Variants in METTL24 observed in about 807,000 individuals in gnomAD.
METTL24 encodes the protein probable methyltransferase-like protein 24.
In METTL24, 29 loss-of-function variants were observed where a neutral mutation model predicts 32.7. The ratio of observed to expected loss-of-function variants is 0.89; its 90% confidence interval spans 0.66 to 1.21. METTL24 has a LOEUF of 1.21. METTL24 is among the 50% of genes most tolerant of loss of function. The pLI is 0.00. For missense variants in METTL24, 439 were observed against 468.1 expected (o/e 0.94, Z 0.57); for synonymous variants, 163 against 179.5 (o/e 0.91, Z 0.73).
intron 3 of METTL24, among the ~76,000 whole-genome samples, chr6:110,300,714 C>T (rs1035808369): frequency 1.5e-4 from 23 of 152,158 alleles, no homozygotes; most frequent in South Asian, 2.1e-4. Flanking sequence ...AGCCATGGCA[C>T]CCCACCTAGA....
intron 4 of METTL24, among the ~76,000 whole-genome samples, chr6:110,279,177 G>A (rs140463695): frequency 2.2e-4 from 33 of 152,294 alleles, no homozygotes; most frequent in Admixed American, 2.1e-3. Context: ...TTTCACATGG[G>A]CTAGGCATTA....
chr6:110,290,219 T>A (rs116270836), intron 4 of METTL24, among the ~76,000 whole-genome samples: 2 of 152,104 alleles, frequency 1.3e-5, no homozygotes, highest in Admixed American at 1.3e-4. Context: ...GCCCAGCCAA[T>A]TGACAACTTT....
At chr6:110,326,239 A>T (rs562274650) in intron 1 of METTL24, among the ~76,000 whole-genome samples, 40 of 152,344 alleles carry the variant, frequency 2.6e-4, no homozygotes, top group Non-Finnish European at 4.1e-4. Context: ...GAGGAAGCTG[A>T]ACAGACAGGC....
At chr6:110,247,887 G>T (rs1016348361) in intron 4 of METTL24, among the ~76,000 whole-genome samples, 7 of 152,132 alleles carry the variant, frequency 4.6e-5, no homozygotes, top group Admixed American at 1.3e-4. Flanking sequence ...TTGGATGTTT[G>T]TCCCCTCCAA....
Position 110,244,391 on chromosome 6 carries a change from A to C in METTL24, c.*1555T>G, listed in dbSNP as rs1778108109. Among the ~76,000 whole-genome samples the C allele has an allele frequency of 6.6e-6, 1 of 152,182 alleles. No individual in the cohort carries two copies. The highest frequency in any genetic ancestry group is 2.1e-4 in the South Asian group (1 of 4,830). The stretch of plus-strand genomic sequence containing the variant: ...CTCTTTTTTTTTTCTGTGAACAAAT[A>C]AACTTTATTCAGGTATAAAAAGCAA... On this transcript the variant is annotated 3_prime_UTR_variant, in exon 5 of 5. Coordinates refer to ENST00000338882, the MANE Select transcript of METTL24 (RefSeq NM_001123364.3).
At chr6:110,250,958 C>T (rs1161717381) in intron 4 of METTL24, among the ~76,000 whole-genome samples, 1 of 152,222 alleles carries the variant, frequency 6.6e-6, no homozygotes, top group East Asian at 1.9e-4. Flanking sequence ...TGAGCCTTTT[C>T]CCCTTTAAGA....
intron 4 of METTL24, among the ~76,000 whole-genome samples, chr6:110,287,122 A>G (rs770125802): frequency 7.2e-5 from 11 of 152,214 alleles, no homozygotes; most frequent in Non-Finnish European, 1.3e-4. Context: ...TTGCAGCTCC[A>G]TGTTAGTTAA....
intron 4 of METTL24, among the ~76,000 whole-genome samples, chr6:110,277,688 C>G (rs1771070900): frequency 6.6e-6 from 1 of 152,110 alleles, no homozygotes; most frequent in Non-Finnish European, 1.5e-5. Context: ...TCCCAACAAA[C>G]CTTCTTCTAC....
intron 4 of METTL24, among the ~76,000 whole-genome samples, chr6:110,252,988 G>C (rs1387465149): frequency 2.0e-5 from 3 of 152,158 alleles, no homozygotes; most frequent in South Asian, 4.1e-4. Context: ...CCATCCTCCA[G>C]AATTGTGATG....
intron 1 of METTL24, among the ~76,000 whole-genome samples, chr6:110,335,547 G>T (rs1387226485): frequency 2.5e-5 from 3 of 118,158 alleles, no homozygotes; most frequent in African/African-American, 6.1e-5. Flanking sequence ...TACTTGCTTT[G>T]TACTTGTAGG....
chr6:110,343,374 G>T (rs184129324), intron 1 of METTL24, among the ~76,000 whole-genome samples: 1 of 152,170 alleles, frequency 6.6e-6, no homozygotes, highest in Non-Finnish European at 1.5e-5. Context: ...TAAGAACAAT[G>T]AACATATAAT....
Position 110,358,107 on chromosome 6 carries a change from G to A in METTL24, c.166C>T (p.Pro56Ser). ...TGGCCCGGCGCGGGCGGCAGGTGCG[G>A]CCCAGGTGGCCGCCAGGCCGGGCCC... Reference protein sequence around the residue: ...PPGPAWRPPGPHLPPAPGQPR... With the variant: ...PPGPAWRPPGSHLPPAPGQPR... Residue 56 changes from proline to serine, a missense_variant, in exon 1 of 5, where the codon CCG (proline) becomes TCG (serine). Transcript: ENST00000338882. 2.0e-6 allele frequency: 2 copies of A among 1,024,250 alleles called. No individual in the cohort carries two copies. The highest frequency in any genetic ancestry group is 2.3e-6 in the Non-Finnish European group (2 of 856,724). The allele number at this position is 1,024,250 out of a possible 1,614,324, so 63.4% of individuals were successfully genotyped here. A position where few individuals can be genotyped will look rare whatever the true frequency, so the allele number is the denominator to read the frequency against.
At chr6:110,270,996 C>G (rs888388336) in intron 4 of METTL24, among the ~76,000 whole-genome samples, 3 of 151,710 alleles carry the variant, frequency 2.0e-5, no homozygotes, top group African/African-American at 7.3e-5. Flanking sequence ...CGCCACTATG[C>G]CTGGCTAATT....
chr6:110,295,013 CTTTTTTTTT>C (rs1195740747), intron 4 of METTL24, among the ~76,000 whole-genome samples: 1,938 of 78,100 alleles, frequency 0.025, 54 homozygotes, highest in African/African-American at 0.1. Flanking sequence ...TTCTTTCTTT[CTTTTTTTTT>C]TTTTTTTTTT....
intron 4 of METTL24, among the ~76,000 whole-genome samples, chr6:110,295,919 C>T (rs888644648): frequency 1.3e-5 from 2 of 152,154 alleles, no homozygotes; most frequent in Non-Finnish European, 2.9e-5. Context: ...CTAATTCACA[C>T]CAGGCATTCT....
intron 1 of METTL24, 161 bp downstream of exon 1, chr6:110,357,794 G>A (rs969644057): frequency 1.2e-5 from 3 of 241,574 alleles, no homozygotes; most frequent in Non-Finnish European, 1.5e-5. Context: ...TGAAAGATGC[G>A]ACCCGTGGAG....
At chr6:110,334,596 G>A (rs567698134) in intron 1 of METTL24, among the ~76,000 whole-genome samples, 1 of 152,180 alleles carries the variant, frequency 6.6e-6, no homozygotes, top group Non-Finnish European at 1.5e-5. Flanking sequence ...CAGGCCCAGG[G>A]GTTGGGGGAT....
intron 2 of METTL24, among the ~76,000 whole-genome samples, chr6:110,318,759 T>C (rs1771875706): frequency 6.6e-6 from 1 of 152,182 alleles, no homozygotes; most frequent in African/African-American, 2.4e-5. Context: ...ACATTAGCTT[T>C]TGTAAACAAC....
At chr6:110,297,136 T>A (rs993140099) in intron 4 of METTL24, among the ~76,000 whole-genome samples, 6 of 152,300 alleles carry the variant, frequency 3.9e-5, no homozygotes, top group Admixed American at 6.5e-5. Flanking sequence ...AATATTTTTT[T>A]AAAAAATAAG....
Sources: gnomAD v4.1 joint callset for allele counts (sites outside exome capture counted in the v4.1 genomes callset) on GRCh38, gnomAD v4.1.1 for gene constraint, MANE v1.5 for transcripts, NCBI Gene and HGNC (gene_info 2026-07-23, HGNC 2026-07-21) for gene names.